CHMP3: variants seen among roughly 807,000 people sequenced by gnomAD.
CHMP3 encodes the protein 25.1 protein.
In CHMP3, 8 loss-of-function variants were observed where a neutral mutation model predicts 27.4. The observed-to-expected ratio is 0.29, with a 90% confidence interval of 0.17 to 0.53. CHMP3 has a LOEUF of 0.53. Ranked by LOEUF, CHMP3 falls within the 20% of genes least tolerant of loss-of-function variation. The pLI, the probability that CHMP3 is intolerant of heterozygous loss-of-function variation, is 0.96. For synonymous variants in CHMP3, 86 were observed against 85.5 expected (o/e 1.01, Z -0.03); for missense variants, 208 against 271.5 (o/e 0.77, Z 1.64).
intron 2 of CHMP3, among the ~76,000 whole-genome samples, chr2:86,533,927 A>G (rs894035056): frequency 2.6e-5 from 4 of 151,916 alleles, no homozygotes; most frequent in African/African-American, 9.7e-5. Context: ...TTGCTTTGTG[A>G]TTTCTTTTTT....
chr2:86,553,511 T>C (rs1308196297), intron 1 of CHMP3, among the ~76,000 whole-genome samples: 2 of 152,164 alleles, frequency 1.3e-5, no homozygotes, highest in Non-Finnish European at 2.9e-5. Flanking sequence ...TTTGTATTTT[T>C]AGTAGAGATG....
chr2:86,563,388 C>T lies in CHMP3; in HGVS notation c.-40G>A. On this transcript the variant is annotated 5_prime_UTR_variant, in exon 1 of 6. Transcript: ENST00000263856. ...GTCTTGCCCCTTCCGGCTTTCAGTT[C>T]CCCGCGCCCAGGCAGGTCACGGGCA... The T allele has an allele frequency of 1.9e-6, 3 of 1,605,470 alleles. No homozygotes were observed. The highest frequency in any genetic ancestry group is 2.2e-5 in the East Asian group (1 of 44,840).
intron 2 of CHMP3, among the ~76,000 whole-genome samples, chr2:86,531,363 T>C (rs1675910842): frequency 6.6e-6 from 1 of 152,124 alleles, no homozygotes; most frequent in African/African-American, 2.4e-5. Context: ...GTCCAGTTTG[T>C]CTACTCTTTT....
chr2:86,554,803 ATG>A (rs202003852), intron 1 of CHMP3, among the ~76,000 whole-genome samples: 18 of 124,986 alleles, frequency 1.4e-4, no homozygotes, highest in East Asian at 1.2e-3. Flanking sequence ...AATAGAATAA[ATG>A]TGTGTGCGCG....
Position 86,505,795 on chromosome 2 carries a change from A to G in CHMP3, c.*9T>C. ...GGAGTGTGTGCACACCCAGCGGGGT[A>G]GGCAGCCCCTAGCTGCGGAGTGTGG... On this transcript the variant is annotated 3_prime_UTR_variant, in exon 6 of 6. Coordinates refer to ENST00000263856, the MANE Select transcript of CHMP3 (RefSeq NM_016079.4). 6.4e-7 allele frequency: 1 copy of G among 1,570,914 alleles called. No homozygotes were observed. The highest frequency in any genetic ancestry group is 2.4e-5 in the East Asian group (1 of 42,482).
At chr2:86,534,371 T>C (rs1472963717) in intron 2 of CHMP3, among the ~76,000 whole-genome samples, 2 of 152,014 alleles carry the variant, frequency 1.3e-5, no homozygotes, top group Admixed American at 1.3e-4. Context: ...AATTTTTGTA[T>C]TTTTAGTAGA....
chr2:86,526,344 A>T (rs1675708911), intron 3 of CHMP3, among the ~76,000 whole-genome samples: 1 of 152,232 alleles, frequency 6.6e-6, no homozygotes, highest in Non-Finnish European at 1.5e-5. Context: ...AACACAAGAT[A>T]ACATTTCTCA....
chr2:86,550,401 G>C (rs1372008959), intron 1 of CHMP3, among the ~76,000 whole-genome samples: 1 of 148,554 alleles, frequency 6.7e-6, no homozygotes, highest in Non-Finnish European at 1.5e-5. Context: ...AGGGAGAGAG[G>C]GGGAGAGGGA....
chr2:86,536,208 C>T (rs540329882), intron 2 of CHMP3, among the ~76,000 whole-genome samples: 3 of 151,340 alleles, frequency 2.0e-5, no homozygotes, highest in South Asian at 2.1e-4. Context: ...CCGTTTTAGC[C>T]GGGATGGTCT....
intron 1 of CHMP3, among the ~76,000 whole-genome samples, chr2:86,555,839 A>G (rs554689381): frequency 1.3e-5 from 2 of 152,270 alleles, no homozygotes; most frequent in East Asian, 3.9e-4. Flanking sequence ...ATAACTCCCC[A>G]TCTCAAGAAC....
At chr2:86,561,954 CCACA>C (rs1401702782) in intron 1 of CHMP3, 7 of 152,212 alleles carry the variant, frequency 4.6e-5, no homozygotes, top group Admixed American at 2.6e-4. Context: ...TCTCTCCCTA[CCACA>C]CTTCTACAAT....
chr2:86,522,203 T>C (rs1558648209), intron 3 of CHMP3, among the ~76,000 whole-genome samples: 1 of 152,164 alleles, frequency 6.6e-6, no homozygotes, highest in Non-Finnish European at 1.5e-5. Context: ...GGAATGACTT[T>C]GTCAAATCTT....
intron 1 of CHMP3, chr2:86,542,825 C>T (rs1413561942): frequency 2.0e-5 from 3 of 152,370 alleles, no homozygotes; most frequent in African/African-American, 4.8e-5. Context: ...TTCTGAAGCA[C>T]TAAACATAGG....
Position 86,505,849 on chromosome 2 carries a change from CTCT to C in CHMP3, c.621_623del (p.Glu208del). On this transcript the variant is annotated inframe_deletion, in exon 6 of 6. Transcript: ENST00000263856. ...GCCGGGACTGCATGGCCTCCAGAGC[CTCT>C]TCCTCCTCCTCCTCATCCTCTGAGG... is the stretch of plus-strand genomic sequence containing the variant. 6.2e-7 allele frequency: 1 copy of C among 1,604,100 alleles called. No homozygotes were observed. Among genetic ancestry groups the C allele is most frequent in the Non-Finnish European group, 8.5e-7 (1 of 1,175,102 alleles).
intron 1 of CHMP3, among the ~76,000 whole-genome samples, chr2:86,553,833 T>C (rs1677007266): frequency 6.6e-6 from 1 of 152,232 alleles, no homozygotes; most frequent in Non-Finnish European, 1.5e-5. Flanking sequence ...CAAAATGTGT[T>C]ATATTTATAA....
intron 2 of CHMP3, among the ~76,000 whole-genome samples, chr2:86,541,829 C>T (rs1185755173): frequency 6.6e-6 from 1 of 152,020 alleles, no homozygotes. Flanking sequence ...GTGTTAAAAA[C>T]CTTAAAAGTT....
At chr2:86,558,156 C>A (rs1251167481) in intron 1 of CHMP3, among the ~76,000 whole-genome samples, 2 of 152,284 alleles carry the variant, frequency 1.3e-5, no homozygotes, top group Non-Finnish European at 1.5e-5. Context: ...CCCAGCAGAA[C>A]CTCAAGTCTA....
chr2:86,506,915 C>G (rs1026163204), intron 5 of CHMP3: 4 of 152,070 alleles, frequency 2.6e-5, no homozygotes, highest in African/African-American at 9.7e-5. Flanking sequence ...GGCCCTCAAA[C>G]GTTTCATTTT....
chr2:86,563,123 C>G (rs572664917), intron 1 of CHMP3, 181 bp downstream of exon 1: 2 of 635,348 alleles, frequency 3.1e-6, no homozygotes, highest in Non-Finnish European at 5.5e-6. Flanking sequence ...CAGGAGCTCT[C>G]GCGTCCCACA....
Sources: gnomAD v4.1 joint callset for allele counts (sites outside exome capture counted in the v4.1 genomes callset) on GRCh38, gnomAD v4.1.1 for gene constraint, MANE v1.5 for transcripts, NCBI Gene and HGNC (gene_info 2026-07-23, HGNC 2026-07-21) for gene names.